ZNF131: variants seen among roughly 807,000 people sequenced by gnomAD.
The protein encoded by ZNF131 is zinc finger and BTB domain containing 35, also known as zinc finger protein 131.
Under a neutral mutation model 60.0 loss-of-function variants are expected in ZNF131, and 7 were observed. The ratio of observed to expected loss-of-function variants is 0.12; its 90% CI spans 0.07 to 0.22. The LOEUF is 0.22. Ranked by LOEUF, ZNF131 falls within the 10% of genes least tolerant of loss-of-function variation. The pLI is 1.00. For synonymous variants in ZNF131, 257 were observed against 253.2 expected (o/e 1.01, Z -0.14); for missense variants, 493 against 740.9 (o/e 0.67, Z 3.88).
chr5:43,174,085 A>G (rs140639144), intron 6 of ZNF131, among the ~76,000 whole-genome samples: 76 of 152,282 alleles, frequency 5.0e-4, no homozygotes, highest in African/African-American at 1.8e-3. Flanking sequence ...AAAGTTAGCC[A>G]GGCGTGGTGG....
At chr5:43,135,299 A>G (rs778714130) in intron 3 of ZNF131, among the ~76,000 whole-genome samples, 15 of 151,464 alleles carry the variant, frequency 9.9e-5, no homozygotes, top group East Asian at 2.0e-4. Flanking sequence ...CCGGCCATCA[A>G]TTGCATTTTT....
chr5:43,128,438 G>A (rs184595078), intron 3 of ZNF131, among the ~76,000 whole-genome samples: 181 of 152,074 alleles, frequency 1.2e-3, no homozygotes, highest in East Asian at 1.5e-3. Context: ...GGCGGATCAT[G>A]AGGTCAGGAG....
At chr5:43,136,443 A>G (rs1746094544) in intron 3 of ZNF131, among the ~76,000 whole-genome samples, 1 of 148,612 alleles carries the variant, frequency 6.7e-6, no homozygotes, top group African/African-American at 2.5e-5. Context: ...AGCCAAATCA[A>G]TCTTGAAAAA....
intron 2 of ZNF131, 74 bp from the exon 3 acceptor site, chr5:43,123,135 A>T: frequency 8.4e-7 from 1 of 1,196,014 alleles, no homozygotes; most frequent in Non-Finnish European, 1.2e-6. Flanking sequence ...TATGATTTTT[A>T]AGTCTATTTT....
At chr5:43,164,803 AGTT>A (rs1303780367) in intron 5 of ZNF131, among the ~76,000 whole-genome samples, 2 of 152,232 alleles carry the variant, frequency 1.3e-5, no homozygotes, top group African/African-American at 4.8e-5. Flanking sequence ...TAATTTAAGT[AGTT>A]GTTATAAATT....
intron 5 of ZNF131, among the ~76,000 whole-genome samples, chr5:43,164,512 A>G (rs1160075160): frequency 6.6e-6 from 1 of 152,230 alleles, no homozygotes; most frequent in Non-Finnish European, 1.5e-5. Flanking sequence ...GTAACTTGCA[A>G]ACTTTGATAG....
intron 4 of ZNF131, among the ~76,000 whole-genome samples, chr5:43,160,595 G>GTATGATATGA (rs1295631026): frequency 2.7e-5 from 4 of 150,396 alleles, no homozygotes; most frequent in African/African-American, 7.3e-5. Flanking sequence ...AATTTTTCAT[G>GTATGATATGA]TATGATATGA....
intron 4 of ZNF131, among the ~76,000 whole-genome samples, chr5:43,150,031 A>G (rs978520779): frequency 2.0e-5 from 3 of 152,206 alleles, no homozygotes; most frequent in African/African-American, 7.2e-5. Flanking sequence ...AGAAAGCAGC[A>G]TGAGTTCCAT....
intron 5 of ZNF131, among the ~76,000 whole-genome samples, chr5:43,164,806 T>A (rs941139421): frequency 6.6e-6 from 1 of 152,244 alleles, no homozygotes; most frequent in Non-Finnish European, 1.5e-5. Context: ...TTTAAGTAGT[T>A]GTTATAAATT....
Position 43,175,282 on chromosome 5 carries a change from T to C in ZNF131, c.*149T>C. The C allele has an allele frequency of 3.9e-6, 3 of 777,864 alleles. No homozygotes were observed. The highest frequency in any genetic ancestry group is 1.7e-5 in the South Asian group (1 of 57,680). 48.2% of individuals were successfully genotyped at this position (777,864 alleles called of 1,614,324 possible). On this transcript the variant is annotated 3_prime_UTR_variant, in exon 7 of 7. Transcript: ENST00000682664. ...CTGAACTGTTGTCCGTTGAAACACA[T>C]TGATTCCCCTCCCCCTACTTATTGC...
intron 5 of ZNF131, among the ~76,000 whole-genome samples, chr5:43,163,891 C>T (rs1322507953): frequency 2.0e-5 from 3 of 152,196 alleles, no homozygotes; most frequent in African/African-American, 7.2e-5. Context: ...AGTTGGTATA[C>T]ATCACTTGAA....
At chr5:43,143,985 C>A (rs373206046) in intron 4 of ZNF131, among the ~76,000 whole-genome samples, 1 of 124,870 alleles carries the variant, frequency 8.0e-6, no homozygotes, top group East Asian at 2.8e-4. Flanking sequence ...TGCAGTGGTG[C>A]GATCTTGGCT....
At chr5:43,157,535 A>G (rs1432658271) in intron 4 of ZNF131, among the ~76,000 whole-genome samples, 1 of 152,224 alleles carries the variant, frequency 6.6e-6, no homozygotes, top group Non-Finnish European at 1.5e-5. Flanking sequence ...AGAGTTTGCA[A>G]TAACCAGGGC....
At chr5:43,172,632 A>AC (rs397949057) in intron 5 of ZNF131, among the ~76,000 whole-genome samples, 4 of 148,094 alleles carry the variant, frequency 2.7e-5, no homozygotes, top group African/African-American at 9.9e-5. Context: ...AAAAAAAAAA[A>AC]CCCTAATTTA....
At chr5:43,163,392 G>T (rs1307860615) in intron 5 of ZNF131, among the ~76,000 whole-genome samples, 1 of 152,178 alleles carries the variant, frequency 6.6e-6, no homozygotes, top group Non-Finnish European at 1.5e-5. Context: ...AGGCCTGGCG[G>T]ACATCCAGGG....
rs920123821 is a variant in ZNF131 at position 43,121,952 on chromosome 5, GTTT to G, written c.-15-81_-15-79del. The stretch of plus-strand genomic sequence containing the variant: ...CTCCCCCCTTCTTTTCACGTTGCTG[GTTT>G]TTTTTGTTGTTGTTTTATGCTTTAG... On this transcript the variant is annotated intron_variant, in intron 1 of 6. Coordinates refer to ENST00000682664, the MANE Select transcript of ZNF131 (RefSeq NM_001330707.2). 22 of 1,399,494 alleles carry G rather than the reference GTTT, an allele frequency of 1.6e-5. No individual in the cohort carries two copies. In the African/African-American group the frequency reaches 2.5e-4, roughly 16 times the overall value. The allele number at this position is 1,399,494 out of a possible 1,614,324, so 86.7% of individuals were successfully genotyped here.
intron 3 of ZNF131, among the ~76,000 whole-genome samples, chr5:43,134,276 G>A (rs967368916): frequency 2.0e-5 from 3 of 152,108 alleles, no homozygotes; most frequent in Non-Finnish European, 2.9e-5. Context: ...GCAAAATGAC[G>A]TGAGTATCTC....
At chr5:43,147,555 C>T (rs13185155) in intron 4 of ZNF131, among the ~76,000 whole-genome samples, 13,316 of 150,984 alleles carry the variant, frequency 0.088, 783 homozygotes, top group East Asian at 0.19. Context: ...GTAGCTGGGA[C>T]TACAGGCGCC....
intron 3 of ZNF131, among the ~76,000 whole-genome samples, chr5:43,138,203 A>G (rs1364695506): frequency 1.3e-5 from 2 of 152,222 alleles, no homozygotes; most frequent in Non-Finnish European, 2.9e-5. Context: ...TACACTTAAA[A>G]ATGTGTTAAG....
Sources: allele counts gnomAD v4.1 joint callset (sites outside exome capture counted in the v4.1 genomes callset), GRCh38; gene constraint gnomAD v4.1.1; transcripts MANE v1.5; gene names NCBI Gene and HGNC (gene_info 2026-07-23, HGNC 2026-07-21).